TMEM132B: variants seen among roughly 807,000 people sequenced by gnomAD.
The protein encoded by TMEM132B is transmembrane protein 132B.
A neutral mutation model predicts 90.8 loss-of-function variants in TMEM132B; 18 were observed. The observed-to-expected ratio is 0.20, with a 90% CI of 0.14 to 0.29. The LOEUF (loss-of-function observed/expected upper bound fraction) is 0.29. Among genes scored for constraint, TMEM132B ranks in the 10% least tolerant of loss-of-function variants. The pLI is 1.00. For missense variants in TMEM132B, 1,096 were observed against 1,326.8 expected, an observed-to-expected ratio of 0.83 and a Z score of 2.70; for synonymous variants, 504 against 523.3, an observed-to-expected ratio of 0.96 and a Z score of 0.50.
chr12:125,278,633 C>G, intron 1 of TMEM132B, among the ~76,000 whole-genome samples: 1 of 151,944 alleles, frequency 6.6e-6, no homozygotes, highest in Admixed American at 6.6e-5. Context: ...TGGGAATGAG[C>G]GAGTGGGGTG....
At chr12:125,642,898 C>T (rs2058013) in intron 5 of TMEM132B, among the ~76,000 whole-genome samples, 49,088 of 150,604 alleles carry the variant, frequency 0.33, 8,559 homozygotes, top group African/African-American at 0.44. Flanking sequence ...GGCAAAAGGC[C>T]GGTTTCATTT....
intron 3 of TMEM132B, among the ~76,000 whole-genome samples, chr12:125,457,968 A>G (rs555612557): frequency 6.6e-6 from 1 of 152,262 alleles, no homozygotes; most frequent in South Asian, 2.1e-4. Context: ...TGTGGTCACA[A>G]TGTGGGGTAA....
intron 5 of TMEM132B, among the ~76,000 whole-genome samples, chr12:125,608,767 A>G (rs1885756907): frequency 6.6e-6 from 1 of 152,060 alleles, no homozygotes; most frequent in Non-Finnish European, 1.5e-5. Flanking sequence ...AGATAACTTC[A>G]TTTTCTTTGC....
chr12:125,504,483 A>G (rs1250457705), intron 3 of TMEM132B, among the ~76,000 whole-genome samples: 3 of 152,052 alleles, frequency 2.0e-5, no homozygotes, highest in South Asian at 2.1e-4. Context: ...TTAATTTTAG[A>G]GAACGCTGGT....
rs950633385 is a variant in TMEM132B at position 125,246,344 on chromosome 12, T to G, written c.67+59478T>G. Among the ~76,000 whole-genome samples, 4 of 152,216 alleles carry G rather than the reference T, an allele frequency of 2.6e-5. No individual in the cohort carries two copies. The highest frequency in any genetic ancestry group is 9.6e-5 in the African/African-American group (4 of 41,452). On this transcript the variant is annotated intron_variant, in intron 1 of 8. Transcript: ENST00000682704. The surrounding 1 kb of genome is among the most constrained non-coding windows in gnomAD (Gnocchi z 4.2). Reference sequence around the variant, plus strand: ...GAGTTAGGGAGCAAGTTGATCCGTGTAAATAATGCAAAGGATTATGAATAT... The same window carrying G: ...GAGTTAGGGAGCAAGTTGATCCGTGGAAATAATGCAAAGGATTATGAATAT...
rs1880628864 is a variant in TMEM132B, at chr12:125,434,175, G to A, written c.1106+18498G>A. Among the ~76,000 whole-genome samples, 4 of 152,256 alleles carry A rather than the reference G, an allele frequency of 2.6e-5. No individual in the cohort carries two copies. The South Asian group carries it at 8.3e-4, about 32-fold the overall frequency. ...GGGCTGCCCACATTCCTTGGCGGGT[G>A]GCCCTGTATCCCTCTGACCTCTGCA... On this transcript the variant is annotated intron_variant, in intron 3 of 8. Transcript: ENST00000682704.
intron 3 of TMEM132B, among the ~76,000 whole-genome samples, chr12:125,515,398 CAAAT>C (rs201350040): frequency 0.22 from 25,299 of 114,132 alleles, 2,582 homozygotes; most frequent in Non-Finnish European, 0.26. Flanking sequence ...CATTCTCTCA[CAAAT>C]ACATTCAAAC....
At chr12:125,617,702 C>T (rs1886023450) in intron 5 of TMEM132B, among the ~76,000 whole-genome samples, 1 of 152,046 alleles carries the variant, frequency 6.6e-6, no homozygotes, top group Admixed American at 6.6e-5. Context: ...GGTATCATAC[C>T]AAGGTGTTAG....
intron 1 of TMEM132B, among the ~76,000 whole-genome samples, chr12:125,197,714 C>T (rs1009846738): frequency 1.1e-4 from 16 of 152,164 alleles, no homozygotes; most frequent in African/African-American, 3.9e-4. Context: ...AGGGAATGCT[C>T]TGTGAATGTA....
At chr12:125,404,629 A>G (rs1440699906) in intron 2 of TMEM132B, among the ~76,000 whole-genome samples, 1 of 152,230 alleles carries the variant, frequency 6.6e-6, no homozygotes, top group African/African-American at 2.4e-5. Context: ...GCAACACTGT[A>G]GGTAGATAGT....
chr12:125,429,553 G>A (rs1488169162), intron 3 of TMEM132B, among the ~76,000 whole-genome samples: 4 of 152,074 alleles, frequency 2.6e-5, no homozygotes, highest in South Asian at 2.1e-4. Context: ...TTTAGTCATC[G>A]TGTCTCCTGA....
At chr12:125,516,094 CACTA>C (rs965750089) in intron 3 of TMEM132B, among the ~76,000 whole-genome samples, 15 of 151,892 alleles carry the variant, frequency 9.9e-5, no homozygotes, top group Admixed American at 2.0e-4. Context: ...ATCTCACACA[CACTA>C]ACACACACTA....
At chr12:125,420,643 A>G (rs1880142830) in intron 3 of TMEM132B, among the ~76,000 whole-genome samples, 1 of 152,212 alleles carries the variant, frequency 6.6e-6, no homozygotes, top group African/African-American at 2.4e-5. Flanking sequence ...CTTGGTGATT[A>G]ACATTTGACT....
chr12:125,356,350 G>C (rs1026731144), intron 2 of TMEM132B, among the ~76,000 whole-genome samples: 3 of 152,160 alleles, frequency 2.0e-5, no homozygotes, highest in Admixed American at 1.3e-4. Context: ...TTCCCAATCT[G>C]TACGTGGGGA....
At chr12:125,573,763 G>A (rs1236895447) in intron 4 of TMEM132B, among the ~76,000 whole-genome samples, 3 of 152,124 alleles carry the variant, frequency 2.0e-5, no homozygotes, top group South Asian at 2.1e-4. Context: ...ATTCAAATGA[G>A]CACATAATTC....
chr12:125,595,476 C>T (rs757572734), intron 5 of TMEM132B, among the ~76,000 whole-genome samples: 3 of 152,128 alleles, frequency 2.0e-5, no homozygotes, highest in Non-Finnish European at 2.9e-5. Flanking sequence ...TAATAACTAG[C>T]GTTTATTGAG....
intron 4 of TMEM132B, among the ~76,000 whole-genome samples, chr12:125,568,973 C>T (rs182829040): frequency 2.3e-4 from 35 of 152,264 alleles, no homozygotes; most frequent in African/African-American, 5.3e-4. Context: ...TCTGGGGCAG[C>T]GGTCAAGAGC....
chr12:125,268,932 A>G (rs1486251364), intron 1 of TMEM132B, among the ~76,000 whole-genome samples: 3 of 152,240 alleles, frequency 2.0e-5, no homozygotes, highest in Non-Finnish European at 4.4e-5. Context: ...TACCCCAGCA[A>G]TCTTACCATG....
chr12:125,403,000 C>G (rs1355654315), intron 2 of TMEM132B, among the ~76,000 whole-genome samples: 1 of 152,192 alleles, frequency 6.6e-6, no homozygotes, highest in African/African-American at 2.4e-5. Flanking sequence ...GCACCAAATT[C>G]ATATTTTTAC....
Sources: allele counts gnomAD v4.1 joint callset (sites outside exome capture counted in the v4.1 genomes callset), GRCh38; gene constraint gnomAD v4.1.1; non-coding constraint Gnocchi (gnomAD v3.1); transcripts MANE v1.5; gene names NCBI Gene and HGNC (gene_info 2026-07-23, HGNC 2026-07-21).